Variants in CTNNBIP1 observed in about 807,000 individuals in gnomAD.
CTNNBIP1 encodes catenin beta interacting protein 1.
A neutral mutation model predicts 11.8 loss-of-function variants in CTNNBIP1; 7 were observed. The ratio of observed to expected loss-of-function variants is 0.60; its 90% CI spans 0.34 to 1.12. CTNNBIP1 has a LOEUF of 1.12. Among genes scored for constraint, CTNNBIP1 ranks in the 50% most tolerant of loss-of-function variants. CTNNBIP1 has a pLI of 0.03. For synonymous variants in CTNNBIP1, 58 were observed against 43.9 expected (o/e 1.32, Z -1.26); for missense variants, 101 against 113.4 (o/e 0.89, Z 0.50).
At chr1:9,907,772 C>G (rs899863186) in intron 1 of CTNNBIP1, among the ~76,000 whole-genome samples, 6 of 152,294 alleles carry the variant, frequency 3.9e-5, no homozygotes, top group African/African-American at 7.2e-5. Context: ...CCAGAGGGAA[C>G]AGACTGATTC....
At chr1:9,852,200 C>T (rs2101421718) in intron 5 of CTNNBIP1, among the ~76,000 whole-genome samples, 1 of 152,306 alleles carries the variant, frequency 6.6e-6, no homozygotes, top group Middle Eastern at 3.4e-3. Flanking sequence ...CCGGCATGTG[C>T]TGACCTCCTT....
intron 5 of CTNNBIP1, among the ~76,000 whole-genome samples, chr1:9,862,531 G>A (rs1024125973): frequency 2.6e-5 from 4 of 152,236 alleles, no homozygotes; most frequent in Non-Finnish European, 5.9e-5. Context: ...CACCCTCAGT[G>A]ATTGAGGTGT....
chr1:9,880,254 T>C (rs1327026369), intron 2 of CTNNBIP1, among the ~76,000 whole-genome samples: 1 of 152,128 alleles, frequency 6.6e-6, no homozygotes, highest in African/African-American at 2.4e-5. Flanking sequence ...CTGTGTTAGT[T>C]TGCTAAGAAT....
rs533328265 is a variant in CTNNBIP1, at chr1:9,878,433, C to A, written c.-109-444G>T. On this transcript the variant is annotated intron_variant, in intron 2 of 5. Transcript: ENST00000377263. ...CAAGTGAGGCACAGGTAGCTCAGCA[C>A]CCCGCAGCCTCTGTGCTCAGTGCAT... is the stretch of plus-strand genomic sequence containing the variant. 3.9e-5 allele frequency among the ~76,000 whole-genome samples: 6 copies of A among 152,322 alleles called. No individual in the cohort carries two copies. In the East Asian group the frequency reaches 9.6e-4, roughly 24 times the overall value.
chr1:9,890,758 C>T (rs937713348), intron 1 of CTNNBIP1, among the ~76,000 whole-genome samples: 1 of 152,220 alleles, frequency 6.6e-6, no homozygotes, highest in African/African-American at 2.4e-5. Context: ...GCTTCCTGAG[C>T]AAAGGCATCA....
intron 1 of CTNNBIP1, among the ~76,000 whole-genome samples, chr1:9,908,178 C>T (rs1014813558): frequency 1.3e-5 from 2 of 152,070 alleles, no homozygotes; most frequent in Non-Finnish European, 2.9e-5. Context: ...CCTGCCTCAG[C>T]CTCCCAAGTA....
chr1:9,863,423 C>A (rs929570005), intron 5 of CTNNBIP1, among the ~76,000 whole-genome samples: 25 of 152,332 alleles, frequency 1.6e-4, no homozygotes, highest in African/African-American at 5.8e-4. Context: ...CGCCTGGAGC[C>A]TCTGAGAGAA....
chr1:9,890,136 CGTT>C (rs1479032806), intron 1 of CTNNBIP1, among the ~76,000 whole-genome samples: 1 of 152,188 alleles, frequency 6.6e-6, no homozygotes, highest in African/African-American at 2.4e-5. Context: ...GCCCAGATCT[CGTT>C]GTCTCTCCAG....
rs923764478 is a variant in CTNNBIP1, at chr1:9,882,943, G to A, written c.-110+762C>T. Reference sequence around the variant, plus strand: ...GAAACACGGTGACAAGCTAGTTCCGGGAAACATCAGGGGCACTTCTGGGGG... The same window carrying A: ...GAAACACGGTGACAAGCTAGTTCCGAGAAACATCAGGGGCACTTCTGGGGG... On this transcript the variant is annotated intron_variant, in intron 2 of 5. Transcript: ENST00000377263. Among the ~76,000 whole-genome samples the A allele has an allele frequency of 2.0e-5, 3 of 152,330 alleles. No individual in the cohort carries two copies. The South Asian group carries it at 6.2e-4, about 32-fold the overall frequency.
At chr1:9,908,478 A>T (rs1639665153) in intron 1 of CTNNBIP1, among the ~76,000 whole-genome samples, 1 of 141,512 alleles carries the variant, frequency 7.1e-6, no homozygotes, top group Middle Eastern at 4.3e-3. Context: ...GGTTCACGCC[A>T]TTCTCCTGCC....
At chr1:9,881,488 C>T (rs1038649091) in intron 2 of CTNNBIP1, among the ~76,000 whole-genome samples, 2 of 151,700 alleles carry the variant, frequency 1.3e-5, no homozygotes, top group African/African-American at 2.4e-5. Context: ...TACAGATGCC[C>T]GCCACCACAC....
chr1:9,899,180 G>A (rs1299589239), intron 1 of CTNNBIP1, among the ~76,000 whole-genome samples: 2 of 152,192 alleles, frequency 1.3e-5, no homozygotes, highest in Non-Finnish European at 2.9e-5. Context: ...ATGAGGCCGG[G>A]CACGGTGGCT....
chr1:9,880,448 T>A (rs879248448), intron 2 of CTNNBIP1, among the ~76,000 whole-genome samples: 1 of 152,206 alleles, frequency 6.6e-6, no homozygotes, highest in Non-Finnish European at 1.5e-5. Context: ...TAAGTGTGCA[T>A]GTGTCTTTAT....
intron 5 of CTNNBIP1, among the ~76,000 whole-genome samples, chr1:9,858,288 A>G (rs937241898): frequency 5.3e-5 from 8 of 152,172 alleles, no homozygotes; most frequent in African/African-American, 1.9e-4. Context: ...AGCTCCTACC[A>G]TGCCTTTGCT....
chr1:9,883,798 C>A lies in CTNNBIP1; in HGVS notation c.-143-60G>T. ...GTCCTTTCCCAGGTGCCCTGGCCCC[C>A]ACTTGCTCTGCCTGAGAGCTGTGCT... On this transcript the variant is annotated intron_variant, in intron 1 of 5. Coordinates refer to ENST00000377263, the MANE Select transcript of CTNNBIP1 (RefSeq NM_020248.3). This position sits in a 1 kb window ranked among gnomAD's most constrained non-coding sequence, Gnocchi z 5.6. 1 of 153,442 alleles carries A rather than the reference C, an allele frequency of 6.5e-6. No individual in the cohort carries two copies. 9.5% of individuals were successfully genotyped at this position (153,442 alleles called of 1,614,324 possible).
intron 5 of CTNNBIP1, among the ~76,000 whole-genome samples, chr1:9,856,544 G>A (rs1342756577): frequency 2.9e-5 from 4 of 138,444 alleles, no homozygotes; most frequent in South Asian, 2.3e-4. Context: ...AGGGAGTCTC[G>A]CTCTGTTGCC....
rs1638333978 is a variant in CTNNBIP1, at chr1:9,849,673, G to C, written c.*1045C>G. 1 of 152,390 alleles carries C rather than the reference G, an allele frequency of 6.6e-6. No homozygotes were observed. Among genetic ancestry groups the C allele is most frequent in the Non-Finnish European group, 1.5e-5 (1 of 68,160 alleles). The allele number at this position is 152,390 out of a possible 1,614,324, so 9.4% of individuals were successfully genotyped here. On this transcript the variant is annotated 3_prime_UTR_variant, in exon 6 of 6. Coordinates refer to ENST00000377263, the MANE Select transcript of CTNNBIP1 (RefSeq NM_020248.3). ...GACCCCCAAAATGAGGCCTCAGGAAGTGGTACACAGAAGGATGGCCAAGAG... is the reference window on the plus strand; with the variant it reads ...GACCCCCAAAATGAGGCCTCAGGAACTGGTACACAGAAGGATGGCCAAGAG...
intron 1 of CTNNBIP1, among the ~76,000 whole-genome samples, chr1:9,889,248 C>A (rs1011244253): frequency 1.6e-4 from 25 of 152,244 alleles, no homozygotes; most frequent in Non-Finnish European, 3.7e-4. Context: ...AGCTTACCCT[C>A]ATATTCCCTC....
chr1:9,864,095 G>A (rs74054126), intron 5 of CTNNBIP1, among the ~76,000 whole-genome samples: 10,943 of 152,258 alleles, frequency 0.072, 477 homozygotes, highest in South Asian at 0.16. Context: ...CTGGCTGGCC[G>A]CAGCTGGGGG....
Sources: gnomAD v4.1 joint callset for allele counts (sites outside exome capture counted in the v4.1 genomes callset) on GRCh38, gnomAD v4.1.1 for gene constraint, Gnocchi (gnomAD v3.1) non-coding constraint, MANE v1.5 for transcripts, NCBI Gene and HGNC (gene_info 2026-07-23, HGNC 2026-07-21) for gene names.